The following CDC14B variants were observed in gnomAD, a reference collection of about 807,000 sequenced individuals.
The protein encoded by CDC14B is cell division cycle 14B.
Under a neutral mutation model 64.2 loss-of-function variants are expected in CDC14B, and 22 were observed. The observed-to-expected ratio is 0.34, with a 90% CI of 0.24 to 0.49. CDC14B has a LOEUF of 0.49. Among genes scored for constraint, CDC14B ranks in the 20% least tolerant of loss-of-function variants. CDC14B has a pLI of 0.99. For missense variants in CDC14B, 498 were observed against 629.9 expected (o/e 0.79, Z 2.24); for synonymous variants, 191 against 215.8 (o/e 0.89, Z 1.01).
chr9:96,526,450 CGAG>C (rs1837576789), intron 9 of CDC14B, among the ~76,000 whole-genome samples: 1 of 152,164 alleles, frequency 6.6e-6, no homozygotes, highest in Non-Finnish European at 1.5e-5. Context: ...CACTGCAAGC[CGAG>C]GAGAGAGGCC....
In CDC14B at chr9:96,515,279, T is replaced by C. The variant is rs1404784455; in HGVS notation, c.1344-5490A>G. Among the ~76,000 whole-genome samples, 2 of 152,158 alleles carry C rather than the reference T, an allele frequency of 1.3e-5. No individual in the cohort carries two copies. Among genetic ancestry groups the C allele is most frequent in the East Asian group, 1.9e-4 (1 of 5,192 alleles). Reference sequence around the variant, plus strand: ...TACAGAAAACTAGAGGGAAATTGTATAGCCAACTGACGAAAATAAAACCAC... The same window carrying C: ...TACAGAAAACTAGAGGGAAATTGTACAGCCAACTGACGAAAATAAAACCAC... On this transcript the variant is annotated intron_variant, in intron 12 of 13. Transcript: ENST00000375241. This position sits in a 1 kb window ranked among gnomAD's most constrained non-coding sequence, Gnocchi z 4.3.
chr9:96,579,659 C>A (rs1189461788), intron 1 of CDC14B, among the ~76,000 whole-genome samples: 1 of 151,984 alleles, frequency 6.6e-6, no homozygotes, highest in African/African-American at 2.4e-5. Context: ...CGTGGAGGTA[C>A]AGGGAGAAGG....
intron 5 of CDC14B, among the ~76,000 whole-genome samples, chr9:96,542,471 A>C (rs1018862857): frequency 1.3e-5 from 2 of 152,030 alleles, no homozygotes; most frequent in Admixed American, 6.6e-5. Flanking sequence ...ACTTTTACCC[A>C]TTTAACTGGG....
intron 1 of CDC14B, among the ~76,000 whole-genome samples, chr9:96,565,840 T>C (rs1393953460): frequency 1.3e-5 from 2 of 152,268 alleles, no homozygotes; most frequent in African/African-American, 2.4e-5. Flanking sequence ...TGTAAGTTTC[T>C]AGATGAATTT....
In CDC14B at chr9:96,605,331, A is replaced by G. The variant is rs184008561; in HGVS notation, c.160+13888T>C. On this transcript the variant is annotated intron_variant, in intron 1 of 13. Coordinates refer to ENST00000375241, the MANE Select transcript of CDC14B (RefSeq NM_033331.4). Reference sequence around the variant, plus strand: ...CTGGCCTAAAGAGTCCATTTTGCCTACTGTCATAGGACTTGAAAATGATCA... The same window carrying G: ...CTGGCCTAAAGAGTCCATTTTGCCTGCTGTCATAGGACTTGAAAATGATCA... 3.9e-5 allele frequency among the ~76,000 whole-genome samples: 6 copies of G among 152,248 alleles called. No individual in the cohort carries two copies. In the East Asian group the frequency reaches 9.7e-4, roughly 25 times the overall value.
chr9:96,605,979 T>C (rs1846888564), intron 1 of CDC14B, among the ~76,000 whole-genome samples: 1 of 151,968 alleles, frequency 6.6e-6, no homozygotes, highest in Non-Finnish European at 1.5e-5. Flanking sequence ...TTCTAAAAAA[T>C]AGCTTTTATA....
At chr9:96,611,023 A>G (rs751419057) in intron 1 of CDC14B, among the ~76,000 whole-genome samples, 4 of 152,138 alleles carry the variant, frequency 2.6e-5, no homozygotes, top group Non-Finnish European at 4.4e-5. Context: ...TTAAAGTCAT[A>G]TAAAAGAACT....
At chr9:96,533,486 A>C (rs1471368181) in intron 9 of CDC14B, among the ~76,000 whole-genome samples, 2 of 152,228 alleles carry the variant, frequency 1.3e-5, no homozygotes, top group Non-Finnish European at 2.9e-5. Flanking sequence ...CTTGTTTCTT[A>C]ATTAACTAAC....
intron 4 of CDC14B, among the ~76,000 whole-genome samples, chr9:96,556,538 AC>A (rs1800753444): frequency 2.6e-5 from 4 of 152,114 alleles, no homozygotes. Context: ...GTTAAAAAAA[AC>A]CTCAGATGAA....
At chr9:96,591,422 T>A (rs1204473109) in intron 1 of CDC14B, among the ~76,000 whole-genome samples, 1 of 152,198 alleles carries the variant, frequency 6.6e-6, no homozygotes, top group Non-Finnish European at 1.5e-5. Context: ...TCTGGGCTGT[T>A]TACTCTATTC....
At chr9:96,596,574 A>T (rs1232126445) in intron 1 of CDC14B, among the ~76,000 whole-genome samples, 1 of 152,098 alleles carries the variant, frequency 6.6e-6, no homozygotes, top group Non-Finnish European at 1.5e-5. Flanking sequence ...ATACAAAAAA[A>T]TGAAGGGCAG....
intron 1 of CDC14B, among the ~76,000 whole-genome samples, chr9:96,594,140 C>A (rs1317510941): frequency 1.3e-5 from 2 of 151,812 alleles, no homozygotes; most frequent in African/African-American, 4.9e-5. Context: ...ATGAAGGACA[C>A]AGGCAATCCC....
intron 5 of CDC14B, among the ~76,000 whole-genome samples, chr9:96,546,527 G>A (rs1024283934): frequency 6.6e-6 from 1 of 151,712 alleles, no homozygotes; most frequent in South Asian, 2.1e-4. Flanking sequence ...TCAGCTCACT[G>A]CAATCTCCGC....
rs530643714 is a variant in CDC14B, at chr9:96,529,819, G to A, written c.946+4108C>T. ...TGTATGAAGTTTTAAACCAGGAAGTGAGTCCTCCAACCTTTTTATTCTTTC... is the reference window on the plus strand; with the variant it reads ...TGTATGAAGTTTTAAACCAGGAAGTAAGTCCTCCAACCTTTTTATTCTTTC... On this transcript the variant is annotated intron_variant, in intron 9 of 13. Transcript: ENST00000375241. Among the ~76,000 whole-genome samples, 6 of 152,142 alleles carry A rather than the reference G, an allele frequency of 3.9e-5. No individual in the cohort carries two copies. The East Asian group carries it at 1.2e-3, about 29-fold the overall frequency.
intron 1 of CDC14B, among the ~76,000 whole-genome samples, chr9:96,608,620 A>G (rs1281726773): frequency 9.2e-5 from 14 of 152,196 alleles, no homozygotes; most frequent in Non-Finnish European, 2.1e-4. Flanking sequence ...CTTTATCTTT[A>G]GTGCCTTCAA....
intron 1 of CDC14B, among the ~76,000 whole-genome samples, chr9:96,611,461 G>A (rs1847320926): frequency 1.3e-5 from 2 of 152,188 alleles, no homozygotes. Flanking sequence ...GTGGCTTTGA[G>A]ATGTTCAGAT....
At chr9:96,552,494 A>AT (rs542433922) in intron 4 of CDC14B, among the ~76,000 whole-genome samples, 14 of 148,770 alleles carry the variant, frequency 9.4e-5, no homozygotes, top group East Asian at 4.0e-4. Context: ...CTTTCCAAAC[A>AT]TTTTTTTTTT....
chr9:96,518,270 A>T (rs1489921295), intron 12 of CDC14B, among the ~76,000 whole-genome samples: 1 of 152,056 alleles, frequency 6.6e-6, no homozygotes, highest in Admixed American at 6.6e-5. Context: ...TAATCCCAGC[A>T]CTTTAGGAGG....
chr9:96,590,903 T>C (rs1259610741), intron 1 of CDC14B, among the ~76,000 whole-genome samples: 1 of 152,196 alleles, frequency 6.6e-6, no homozygotes, highest in Admixed American at 6.5e-5. Context: ...GTCATGTGTA[T>C]ATCTTCTTTA....
Sources: gnomAD v4.1 joint callset for allele counts (sites outside exome capture counted in the v4.1 genomes callset) on GRCh38, gnomAD v4.1.1 for gene constraint, Gnocchi (gnomAD v3.1) non-coding constraint, MANE v1.5 for transcripts, NCBI Gene and HGNC (gene_info 2026-07-23, HGNC 2026-07-21) for gene names.